KCNIP4: variants seen among roughly 807,000 people sequenced by gnomAD.
The protein encoded by KCNIP4 is potassium voltage-gated channel interacting protein 4, also known as Kv channel-interacting protein 4.
In KCNIP4, 12 loss-of-function variants were observed where a neutral mutation model predicts 34.0. The ratio of observed to expected loss-of-function variants is 0.35; its 90% CI spans 0.23 to 0.57. KCNIP4 has a LOEUF of 0.57. Among genes scored for constraint, KCNIP4 ranks in the 20% least tolerant of loss-of-function variants. KCNIP4 has a pLI of 0.83. For synonymous variants in KCNIP4, 124 were observed against 102.2 expected, an observed-to-expected ratio of 1.21 and a Z score of -1.29; for missense variants, 238 against 311.7, an observed-to-expected ratio of 0.76 and a Z score of 1.78.
chr4:20,836,220 T>C (rs1445755978), intron 3 of KCNIP4, among the ~76,000 whole-genome samples: 1 of 152,204 alleles, frequency 6.6e-6, no homozygotes, highest in Non-Finnish European at 1.5e-5. Flanking sequence ...TATCACCTTC[T>C]CCCTCAATCA....
intron 1 of KCNIP4, among the ~76,000 whole-genome samples, chr4:21,699,381 T>C (rs933378574): frequency 1.4e-4 from 22 of 152,126 alleles, no homozygotes; most frequent in African/African-American, 5.3e-4. Context: ...AGCTTACACC[T>C]AAACAAAGAA....
At chr4:21,078,220 A>C (rs1745675017) in intron 1 of KCNIP4, among the ~76,000 whole-genome samples, 1 of 152,226 alleles carries the variant, frequency 6.6e-6, no homozygotes, top group East Asian at 1.9e-4. Context: ...GGAGTGCGGG[A>C]AAAGAGTCAA....
intron 1 of KCNIP4, among the ~76,000 whole-genome samples, chr4:20,936,716 G>A (rs1284980589): frequency 1.3e-5 from 2 of 148,380 alleles, no homozygotes; most frequent in Admixed American, 1.3e-4. Flanking sequence ...TCATCCACAA[G>A]CAACAGGATG....
At chr4:20,779,584 C>G (rs1429392108) in intron 3 of KCNIP4, among the ~76,000 whole-genome samples, 1 of 134,326 alleles carries the variant, frequency 7.4e-6, no homozygotes, top group East Asian at 2.1e-4. Context: ...CAACCCCCCC[C>G]CCCCACACAA....
chr4:21,675,512 T>C (rs1212751572), intron 1 of KCNIP4, among the ~76,000 whole-genome samples: 1 of 152,196 alleles, frequency 6.6e-6, no homozygotes, highest in Non-Finnish European at 1.5e-5. Context: ...CTCCATGATG[T>C]GCTTATTTCA....
chr4:21,020,779 GAATA>G (rs1360844341), intron 1 of KCNIP4, among the ~76,000 whole-genome samples: 2 of 152,120 alleles, frequency 1.3e-5, no homozygotes, highest in East Asian at 1.9e-4. Context: ...TTGAGTGAAT[GAATA>G]GAGACAATTT....
chr4:21,299,669 T>C (rs1428389768), intron 1 of KCNIP4, among the ~76,000 whole-genome samples: 1 of 152,196 alleles, frequency 6.6e-6, no homozygotes, highest in Admixed American at 6.5e-5. Flanking sequence ...ACTAAGCTAT[T>C]TGAGATGGAA....
intron 1 of KCNIP4, among the ~76,000 whole-genome samples, chr4:21,911,364 G>T (rs556172941): frequency 1.3e-5 from 2 of 151,998 alleles, no homozygotes; most frequent in Non-Finnish European, 2.9e-5. Context: ...CAAAGAAAAA[G>T]AAAACTGGTT....
At chr4:21,455,487 C>A (rs1246143196) in intron 1 of KCNIP4, among the ~76,000 whole-genome samples, 1 of 151,870 alleles carries the variant, frequency 6.6e-6, no homozygotes, top group African/African-American at 2.4e-5. Context: ...TAAAACGTGA[C>A]TGACATTCAT....
intron 2 of KCNIP4, among the ~76,000 whole-genome samples, chr4:20,872,033 G>A (rs1226863091): frequency 1.3e-5 from 2 of 152,044 alleles, no homozygotes; most frequent in Non-Finnish European, 2.9e-5. Context: ...ATATCATAGC[G>A]ATGAATCCAC....
At chr4:21,022,776 A>C (rs1280862798) in intron 1 of KCNIP4, among the ~76,000 whole-genome samples, 1 of 152,180 alleles carries the variant, frequency 6.6e-6, no homozygotes, top group Non-Finnish European at 1.5e-5. Flanking sequence ...GATCCTAATC[A>C]TCATCTAATG....
At chr4:21,885,781 G>A (rs564097403) in intron 1 of KCNIP4, among the ~76,000 whole-genome samples, 10 of 152,132 alleles carry the variant, frequency 6.6e-5, no homozygotes, top group Non-Finnish European at 1.5e-5. Context: ...TTTGTGGAAA[G>A]TACTAAGAAT....
intron 1 of KCNIP4, among the ~76,000 whole-genome samples, chr4:21,329,814 T>G (rs2109320862): frequency 6.6e-6 from 1 of 152,308 alleles, no homozygotes; most frequent in Non-Finnish European, 1.5e-5. Context: ...GGGATAATTA[T>G]GATAAGCATT....
intron 1 of KCNIP4, among the ~76,000 whole-genome samples, chr4:21,521,289 C>T (rs1260347882): frequency 6.6e-6 from 1 of 152,182 alleles, no homozygotes; most frequent in East Asian, 1.9e-4. Flanking sequence ...GTGTATACAA[C>T]TGCCTTCATG....
chr4:21,250,820 T>C (rs1384485101), intron 1 of KCNIP4, among the ~76,000 whole-genome samples: 1 of 151,592 alleles, frequency 6.6e-6, no homozygotes, highest in East Asian at 1.9e-4. Flanking sequence ...TTTTAAATCT[T>C]CTCAGAAAAA....
At chr4:21,261,027 T>C (rs1366815750) in intron 1 of KCNIP4, among the ~76,000 whole-genome samples, 1 of 152,158 alleles carries the variant, frequency 6.6e-6, no homozygotes, top group Non-Finnish European at 1.5e-5. Context: ...GAGATTTCCA[T>C]TGGCAGAGCC....
chr4:21,534,092 CA>C (rs1431668311), intron 1 of KCNIP4, among the ~76,000 whole-genome samples: 1 of 152,166 alleles, frequency 6.6e-6, no homozygotes, highest in African/African-American at 2.4e-5. Flanking sequence ...CTCAGTGCCT[CA>C]GTTTCCTTCT....
rs112215846 is a variant in KCNIP4 at position 21,119,868 on chromosome 4, C to T, written c.62-237159G>A. ...AAAAGGTGCTAGAGTTGTGTGTGCT[C>T]CTTAACTAAGTGTTGTCTTTCAATG... On this transcript the variant is annotated intron_variant, in intron 1 of 8. Coordinates refer to ENST00000382152, the MANE Select transcript of KCNIP4 (RefSeq NM_025221.6). Among the ~76,000 whole-genome samples, 2 of 152,168 alleles carry T rather than the reference C, an allele frequency of 1.3e-5. 1 individual carries two copies. Among genetic ancestry groups the T allele is most frequent in the African/African-American group, 4.8e-5 (2 of 41,530 alleles).
chr4:21,863,316 TAGAC>T (rs1725209896), intron 1 of KCNIP4, among the ~76,000 whole-genome samples: 1 of 146,776 alleles, frequency 6.8e-6, no homozygotes, highest in Non-Finnish European at 1.5e-5. Flanking sequence ...CAGATAGAAA[TAGAC>T]AGAAAAAACT....
Sources: gnomAD v4.1 joint callset for allele counts (sites outside exome capture counted in the v4.1 genomes callset) on GRCh38, gnomAD v4.1.1 for gene constraint, MANE v1.5 for transcripts, NCBI Gene and HGNC (gene_info 2026-07-23, HGNC 2026-07-21) for gene names.